HYKK: variants seen among roughly 807,000 people sequenced by gnomAD.
HYKK encodes hydroxylysine kinase, also known as 5-hydroxy-L-lysine kinase.
HYKK carries 19 observed loss-of-function variants against 29.7 expected under a neutral mutation model. That is an observed-to-expected ratio of 0.64 (90% CI 0.45 to 0.94). The LOEUF is 0.94. HYKK is among the 40% of genes least tolerant of loss of function. The probability of loss-of-function intolerance (pLI) is 0.00; values close to 1 mark genes in which losing one functional copy is unlikely to be tolerated. For synonymous variants in HYKK, 152 were observed against 158.1 expected, an observed-to-expected ratio of 0.96 and a Z score of 0.29; for missense variants, 390 against 443.4, an observed-to-expected ratio of 0.88 and a Z score of 1.08.
intron 3 of HYKK, among the ~76,000 whole-genome samples, chr15:78,521,128 T>C (rs1465666232): frequency 6.6e-6 from 1 of 152,162 alleles, no homozygotes; most frequent in Non-Finnish European, 1.5e-5. Flanking sequence ...GGGGACATGG[T>C]TGGGCCATTG....
chr15:78,525,187 G>T (rs1331559578), intron 3 of HYKK, among the ~76,000 whole-genome samples: 1 of 151,186 alleles, frequency 6.6e-6, no homozygotes, highest in Non-Finnish European at 1.5e-5. Flanking sequence ...ATGGAGTCTC[G>T]CTCTGTCGCC....
Position 78,533,628 on chromosome 15 carries a change from G to C in HYKK, c.1080G>C (p.Trp360Cys). The C allele has an allele frequency of 6.2e-7, 1 of 1,614,178 alleles. No individual in the cohort carries two copies. The highest frequency in any genetic ancestry group is 8.5e-7 in the Non-Finnish European group (1 of 1,180,026). The change falls in exon 5 of 5, where the codon TGG (tryptophan) becomes TGC (cysteine). Residue 360 changes from tryptophan to cysteine, a missense_variant. Transcript: ENST00000388988. Reference protein sequence around the residue: ...DMGQKAVEEIWFETAKSYESG... With the variant: ...DMGQKAVEEICFETAKSYESG... ...GTCAGAAAGCTGTAGAAGAAATCTG[G>C]TTTGAAACTGCCAAATCCTATGAAT...
chr15:78,517,589 GA>G lies in HYKK; in HGVS notation c.477+2490del, dbSNP rs1004637711. On this transcript the variant is annotated intron_variant, in intron 3 of 4. Transcript: ENST00000388988. ...GTGAGACTCCATCTTAAAAAAAAAAGAAAAAAAATTCTCTTTATCTCCAGTT... is the reference window on the plus strand; with the variant it reads ...GTGAGACTCCATCTTAAAAAAAAAAGAAAAAAATTCTCTTTATCTCCAGTT... 3.3e-5 allele frequency among the ~76,000 whole-genome samples: 5 copies of G among 151,554 alleles called. No homozygotes were observed. The East Asian group carries it at 7.8e-4, about 24-fold the overall frequency.
chr15:78,533,424 A>G lies in HYKK; in HGVS notation c.876A>G (p.Glu292=), dbSNP rs1567025651. The change falls in exon 5 of 5, where the codon GAA becomes GAG. Residue 292 remains glutamate, a synonymous_variant. Transcript: ENST00000388988. ...QVGGHVLAGF[E]SITPLTAVEK... is the part of the protein sequence containing the mutation. ...GAGGCCATGTCCTTGCAGGGTTTGA[A>G]AGCATCACCCCACTGACAGCTGTAG... 1.9e-6 allele frequency: 3 copies of G among 1,614,206 alleles called. No individual in the cohort carries two copies. The highest frequency in any genetic ancestry group is 2.5e-6 in the Non-Finnish European group (3 of 1,180,028).
rs766004199 is a variant in HYKK at position 78,514,908 on chromosome 15, C to CTCTCTCTATATATATATA, written c.338-59_338-58insCTCTCTATATATATATAT. ...TAAATACCTCTCTCTCTCTCTCTCTCTATATATATATATATATATAAATAA... is the reference window on the plus strand; with the variant it reads ...TAAATACCTCTCTCTCTCTCTCTCTCTCTCTCTATATATATATATATATATATATATATATATAAATAA... On this transcript the variant is annotated intron_variant, in intron 2 of 4. Transcript: ENST00000388988. The CTCTCTCTATATATATATA allele has an allele frequency of 4.4e-5, 17 of 385,500 alleles. No individual in the cohort carries two copies. In the East Asian group the frequency reaches 1.0e-3, roughly 24 times the overall value. 23.9% of individuals were successfully genotyped at this position (385,500 alleles called of 1,614,324 possible).
intron 2 of HYKK, 101 bp downstream of exon 2, chr15:78,513,526 T>C (rs1474176388): frequency 1.2e-6 from 1 of 817,520 alleles, no homozygotes; most frequent in East Asian, 2.5e-5. Flanking sequence ...ATTCCAAGTG[T>C]AGATGTGGTT....
intron 4 of HYKK, among the ~76,000 whole-genome samples, chr15:78,529,240 T>A (rs950572787): frequency 1.3e-5 from 2 of 152,228 alleles, no homozygotes; most frequent in African/African-American, 4.8e-5. Flanking sequence ...TTGCATATGC[T>A]AGAGTTGGTT....
intron 1 of HYKK, among the ~76,000 whole-genome samples, chr15:78,509,188 G>A (rs998943969): frequency 4.6e-5 from 7 of 152,200 alleles, no homozygotes; most frequent in South Asian, 2.1e-4. Flanking sequence ...GATATGGAGC[G>A]CTTATATAAA....
intron 1 of HYKK, among the ~76,000 whole-genome samples, chr15:78,509,187 C>CTTTTT (rs2052047009): frequency 2.6e-5 from 4 of 152,134 alleles, no homozygotes; most frequent in Non-Finnish European, 5.9e-5. Flanking sequence ...TGATATGGAG[C>CTTTTT]GCTTATATAA....
At chr15:78,520,092 A>G (rs563000716) in intron 3 of HYKK, among the ~76,000 whole-genome samples, 1 of 152,372 alleles carries the variant, frequency 6.6e-6, no homozygotes, top group Non-Finnish European at 1.5e-5. Flanking sequence ...GTTGTCTTAC[A>G]GAGGACGAGG....
At chr15:78,515,644 A>C (rs2052124690) in intron 3 of HYKK, among the ~76,000 whole-genome samples, 1 of 149,506 alleles carries the variant, frequency 6.7e-6, no homozygotes, top group South Asian at 2.1e-4. Context: ...GCTGGAGTGC[A>C]GTGGCACGAT....
rs147673046 is a variant in HYKK, at chr15:78,512,159, G to C, written c.-5-925G>C. ...TATAGTTAATACAGGGTTTTCTTTG[G>C]TTCTCTGGCCTTATCTCCTCCAGTG... On this transcript the variant is annotated intron_variant, in intron 1 of 4. Coordinates refer to ENST00000388988, the MANE Select transcript of HYKK (RefSeq NM_001013619.4). Among the ~76,000 whole-genome samples the C allele has an allele frequency of 1.7e-3, 259 of 152,106 alleles. 6 individuals are homozygous for C. In the East Asian group the frequency reaches 0.046, roughly 27 times the overall value.
intron 1 of HYKK, among the ~76,000 whole-genome samples, chr15:78,512,712 ATTC>A (rs1181298387): frequency 6.6e-6 from 1 of 152,142 alleles, no homozygotes; most frequent in African/African-American, 2.4e-5. Flanking sequence ...CCAGAGCTGA[ATTC>A]TTACTGTGAC....
At chr15:78,521,451 A>G (rs2052195274) in intron 3 of HYKK, among the ~76,000 whole-genome samples, 1 of 151,824 alleles carries the variant, frequency 6.6e-6, no homozygotes. Flanking sequence ...ATTGGTGCAA[A>G]AGTAATTGCG....
chr15:78,512,406 T>TC (rs1344334833), intron 1 of HYKK, among the ~76,000 whole-genome samples: 1 of 145,222 alleles, frequency 6.9e-6, no homozygotes, highest in African/African-American at 2.5e-5. Context: ...TTTTCTTTTT[T>TC]TTTTTTTTTT....
At chr15:78,527,285 CAAAAA>C (rs564443255) in intron 3 of HYKK, 90 bp from the exon 4 acceptor site, 1,034 of 759,446 alleles carry the variant, frequency 1.4e-3, no homozygotes, top group East Asian at 2.6e-3. Flanking sequence ...GACTCTGTCT[CAAAAA>C]AAAAAAAAAA....
intron 4 of HYKK, among the ~76,000 whole-genome samples, chr15:78,530,743 A>G (rs935192572): frequency 3.3e-5 from 5 of 151,854 alleles, no homozygotes; most frequent in Admixed American, 1.3e-4. Flanking sequence ...GAGTCTCACT[A>G]TGTTGCCCAG....
intron 4 of HYKK, chr15:78,528,775 C>A (rs2052282585): frequency 2.4e-6 from 2 of 834,748 alleles, no homozygotes; most frequent in African/African-American, 3.7e-5. Context: ...GCACTCCAGC[C>A]TGGGCAACAG....
At chr15:78,507,960 C>T (rs2052030890) in intron 1 of HYKK, among the ~76,000 whole-genome samples, 1 of 152,140 alleles carries the variant, frequency 6.6e-6, no homozygotes, top group Non-Finnish European at 1.5e-5. Flanking sequence ...GGGTCGCTGG[C>T]CGAGGGCTGT....
Sources: allele counts gnomAD v4.1 joint callset (sites outside exome capture counted in the v4.1 genomes callset), GRCh38; gene constraint gnomAD v4.1.1; transcripts MANE v1.5; gene names NCBI Gene and HGNC (gene_info 2026-07-23, HGNC 2026-07-21).